Variants in CEP120 observed in about 807,000 individuals in gnomAD.
CEP120 encodes centrosomal protein 120, also known as centrosomal protein of 120 kDa.
CEP120 carries 113 observed loss-of-function variants against 126.5 expected under a neutral mutation model. The ratio of observed to expected loss-of-function variants is 0.89; its 90% CI spans 0.77 to 1.04. The LOEUF is 1.04. Ranked by LOEUF, CEP120 falls within the 50% of genes least tolerant of loss-of-function variation. The pLI is 0.00. For synonymous variants in CEP120, 400 were observed against 394.3 expected (o/e 1.01, Z -0.17); for missense variants, 1,230 against 1,155.7 (o/e 1.06, Z -0.93).
In CEP120 at chr5:123,386,675, T is replaced by TAAAAAAA. The variant is rs1562047830; in HGVS notation, c.1431-9_1431-8insTTTTTTT. The TAAAAAAA allele has an allele frequency of 2.6e-5, 18 of 688,970 alleles. 6 individuals carry two copies. Among genetic ancestry groups the TAAAAAAA allele is most frequent in the Non-Finnish European group, 1.1e-5 (6 of 543,710 alleles). The allele number at this position is 688,970 out of a possible 1,614,324, so 42.7% of individuals were successfully genotyped here. A position where few individuals can be genotyped will look rare whatever the true frequency, so the allele number is the denominator to read the frequency against. ...AAGAATGGATATGAGTACCTAGAAT[T>TAAAAAAA]TAAAAAAAAAAAAAAAAAAAAAAGC... On this transcript the variant is annotated splice_polypyrimidine_tract_variant and intron_variant, in intron 9 of 19. Transcript: ENST00000306467.
intron 3 of CEP120, among the ~76,000 whole-genome samples, chr5:123,414,522 A>C (rs994649062): frequency 6.6e-6 from 1 of 152,232 alleles, no homozygotes; most frequent in African/African-American, 2.4e-5. Context: ...GATTCAAATC[A>C]AGAATGGCGT....
rs554304150 is a variant in CEP120 at position 123,391,327 on chromosome 5, C to T, written c.821G>A (p.Cys274Tyr). The change falls in exon 7 of 20, where the codon TGC becomes TAC. Residue 274 changes from cysteine (C) to tyrosine (Y), a missense_variant. Cys to Tyr is a radical substitution (Grantham distance 194, BLOSUM62 -2). Coordinates refer to ENST00000306467, the MANE Select transcript of CEP120 (RefSeq NM_001375405.1). ...ACTTCCAAGTGACTGGTCTCCACAGCAGAGGTGAATCTAATATGAAAGGGA... is the reference window on the plus strand; with the variant it reads ...ACTTCCAAGTGACTGGTCTCCACAGTAGAGGTGAATCTAATATGAAAGGGA... Reference protein sequence around the residue: ...ALQSKLQIHLCCGDQSLGSTE... With the variant: ...ALQSKLQIHLYCGDQSLGSTE... The T allele has an allele frequency of 1.2e-6, 2 of 1,612,594 alleles. No individual in the cohort carries two copies. The highest frequency in any genetic ancestry group is 2.2e-5 in the East Asian group (1 of 44,880).
In CEP120 at chr5:123,404,112, G is replaced by C. The variant is rs146198799; in HGVS notation, c.464-4828C>G. ...CTCTAATAAATACTCCAAATATTCAGGTGCATTAGGTAGTAAATTCCTCTC... is the reference window on the plus strand; with the variant it reads ...CTCTAATAAATACTCCAAATATTCACGTGCATTAGGTAGTAAATTCCTCTC... On this transcript the variant is annotated intron_variant, in intron 4 of 19. Transcript: ENST00000306467. Among the ~76,000 whole-genome samples, 21 of 152,292 alleles carry C rather than the reference G, an allele frequency of 1.4e-4. No individual in the cohort carries two copies. The East Asian group carries it at 3.9e-3, about 28-fold the overall frequency.
chr5:123,375,669 T>C (rs1222234548), intron 16 of CEP120, among the ~76,000 whole-genome samples: 1 of 152,066 alleles, frequency 6.6e-6, no homozygotes, highest in Non-Finnish European at 1.5e-5. Flanking sequence ...TCTTAAGAGC[T>C]CTCCTGGTGA....
chr5:123,411,356 CTG>C (rs1393492882), intron 4 of CEP120, among the ~76,000 whole-genome samples: 1 of 152,192 alleles, frequency 6.6e-6, no homozygotes, highest in Non-Finnish European at 1.5e-5. Context: ...CTGAAAACTT[CTG>C]TCCACATAAG....
chr5:123,410,372 G>T lies in CEP120; in HGVS notation c.463+2027C>A, dbSNP rs150990808. Reference sequence around the variant, plus strand: ...TTTATATGGAGAAGCAAAAGAACCAGAACAGCCAATTCAATATTGAAGAAA... The same window carrying T: ...TTTATATGGAGAAGCAAAAGAACCATAACAGCCAATTCAATATTGAAGAAA... On this transcript the variant is annotated intron_variant, in intron 4 of 19. Coordinates refer to ENST00000306467, the MANE Select transcript of CEP120 (RefSeq NM_001375405.1). 2.9e-3 allele frequency among the ~76,000 whole-genome samples: 438 copies of T among 152,228 alleles called. 3 individuals are homozygous for T. Among genetic ancestry groups the T allele is most frequent in the African/African-American group, 9.8e-3 (406 of 41,524 alleles).
At chr5:123,384,302 T>C (rs1771873351) in intron 11 of CEP120, among the ~76,000 whole-genome samples, 1 of 152,076 alleles carries the variant, frequency 6.6e-6, no homozygotes, top group African/African-American at 2.4e-5. Flanking sequence ...TTCTCTTTTT[T>C]TTAGTCTTAT....
chr5:123,390,360 T>C (rs534895272), intron 7 of CEP120: 55 of 612,166 alleles, frequency 9.0e-5, no homozygotes, highest in South Asian at 7.0e-4. Context: ...AATACCAAAA[T>C]GCATCCTAAT....
intron 14 of CEP120, among the ~76,000 whole-genome samples, chr5:123,380,413 C>G (rs1038876654): frequency 6.6e-6 from 1 of 152,034 alleles, no homozygotes; most frequent in African/African-American, 2.4e-5. Flanking sequence ...ACAGCACAAA[C>G]ACTTATTATG....
At chr5:123,400,483 G>C (rs1460898126) in intron 4 of CEP120, among the ~76,000 whole-genome samples, 1 of 152,008 alleles carries the variant, frequency 6.6e-6, no homozygotes, top group Non-Finnish European at 1.5e-5. Context: ...GTTACAAATA[G>C]GGTGAAGATG....
intron 19 of CEP120, among the ~76,000 whole-genome samples, chr5:123,348,681 T>C (rs907179192): frequency 1.3e-5 from 2 of 152,348 alleles, no homozygotes; most frequent in East Asian, 1.9e-4. Context: ...TTAAATGTAA[T>C]GTGTAGGCTC....
In CEP120 at chr5:123,386,635, G is replaced by C. The variant is rs778565703; in HGVS notation, c.1463C>G (p.Pro488Arg). 3 of 1,481,200 alleles carry C rather than the reference G, an allele frequency of 2.0e-6. No homozygotes were observed. The highest frequency in any genetic ancestry group is 1.2e-5 in the South Asian group (1 of 80,922). The allele number at this position is 1,481,200 out of a possible 1,614,324, so 91.8% of individuals were successfully genotyped here. Reference protein sequence around the residue: ...YSYPFFGSAAPIMTNPPVEVR... With the variant: ...YSYPFFGSAARIMTNPPVEVR... The stretch of plus-strand genomic sequence containing the variant: ...TTCTACAGGAGGATTAGTCATAATA[G>C]GAGCTGCACTTCCAAAGAATGGATA... The change falls in exon 10 of 20, where the codon CCT becomes CGT. Residue 488 changes from proline to arginine, a missense_variant. Pro to Arg is a moderately radical substitution (Grantham distance 103). Coordinates refer to ENST00000306467, the MANE Select transcript of CEP120 (RefSeq NM_001375405.1).
intron 19 of CEP120, 121 bp downstream of exon 19, chr5:123,349,823 A>T: frequency 1.3e-6 from 1 of 777,756 alleles, no homozygotes; most frequent in Non-Finnish European, 2.0e-6. Context: ...TTTCTATTGT[A>T]TATGTCTGCT....
Position 123,345,384 on chromosome 5 carries a change from A to AAGTT in CEP120, c.*1131_*1134dup, listed in dbSNP as rs1240102473. On this transcript the variant is annotated 3_prime_UTR_variant, in exon 20 of 20. Transcript: ENST00000306467. ...CATATATCCTACTCTGCTTTGATGG[A>AAGTT]AGTTATTGGTAACTTCCTAAAGTAT... is the stretch of plus-strand genomic sequence containing the variant. 1 of 152,130 alleles carries AAGTT rather than the reference A, an allele frequency of 6.6e-6. No individual in the cohort carries two copies. The highest frequency in any genetic ancestry group is 2.4e-5 in the African/African-American group (1 of 41,448). 9.4% of individuals were successfully genotyped at this position (152,130 alleles called of 1,614,324 possible).
At chr5:123,363,096 G>A (rs945216418) in intron 18 of CEP120, among the ~76,000 whole-genome samples, 4 of 151,516 alleles carry the variant, frequency 2.6e-5, no homozygotes, top group African/African-American at 9.7e-5. Context: ...TATAAGAACA[G>A]CCTATGCTTT....
In CEP120 at chr5:123,366,140, A is replaced by T. The variant is rs116078936; in HGVS notation, c.2482-1546T>A. 4.7e-3 allele frequency among the ~76,000 whole-genome samples: 721 copies of T among 151,928 alleles called. 6 individuals are homozygous for T. The highest frequency in any genetic ancestry group is 6.1e-3 in the Non-Finnish European group (417 of 67,848). ...TCTTCTAATTCATTCCTATCCCCAAATCAACGATTCCTAACTTATTTTTTT... is the reference window on the plus strand; with the variant it reads ...TCTTCTAATTCATTCCTATCCCCAATTCAACGATTCCTAACTTATTTTTTT... On this transcript the variant is annotated intron_variant, in intron 17 of 19. Coordinates refer to ENST00000306467, the MANE Select transcript of CEP120 (RefSeq NM_001375405.1).
intron 1 of CEP120, among the ~76,000 whole-genome samples, chr5:123,420,290 G>A (rs1464086738): frequency 3.3e-5 from 5 of 152,144 alleles, no homozygotes; most frequent in Non-Finnish European, 7.3e-5. Flanking sequence ...AGGATGTGAA[G>A]GGAACAAACA....
At chr5:123,382,325 TAAAAA>T (rs200376887) in intron 13 of CEP120, 125 bp from the exon 14 acceptor site, 63 of 219,738 alleles carry the variant, frequency 2.9e-4, no homozygotes, top group East Asian at 7.6e-4. Flanking sequence ...TTTTTTATTC[TAAAAA>T]AAAAAAAAAA....
Position 123,346,252 on chromosome 5 carries a change from T to G in CEP120, c.*267A>C, listed in dbSNP as rs1163615611. ...ACTTAGTTAAAAGCTGTTTTGAAAG[T>G]TAGTTAGCCATCAGATTATAAACTA... On this transcript the variant is annotated 3_prime_UTR_variant, in exon 20 of 20. Transcript: ENST00000306467. 3.1e-6 allele frequency: 1 copy of G among 327,276 alleles called. No homozygotes were observed. The highest frequency in any genetic ancestry group is 5.6e-6 in the Non-Finnish European group (1 of 180,180). The allele number at this position is 327,276 out of a possible 1,614,324, so 20.3% of individuals were successfully genotyped here. A position where few individuals can be genotyped will look rare whatever the true frequency, so the allele number is the denominator to read the frequency against.
Sources: allele counts gnomAD v4.1 joint callset (sites outside exome capture counted in the v4.1 genomes callset), GRCh38; gene constraint gnomAD v4.1.1; transcripts MANE v1.5; gene names NCBI Gene and HGNC (gene_info 2026-07-23, HGNC 2026-07-21).